The following IL19 variants were observed in gnomAD, a reference collection of about 807,000 sequenced individuals.
The protein encoded by IL19 is interleukin 19.
Under a neutral mutation model 19.5 loss-of-function variants are expected in IL19, and 15 were observed. The observed-to-expected ratio is 0.77, with a 90% CI of 0.52 to 1.19. The LOEUF is 1.19. Ranked by LOEUF, IL19 falls within the 50% of genes most tolerant of loss-of-function variation. The probability of loss-of-function intolerance (pLI) is 0.00; values close to 1 mark genes in which losing one functional copy is unlikely to be tolerated. For synonymous variants in IL19, 78 were observed against 78.3 expected (o/e 1.00, Z 0.02); for missense variants, 199 against 213.1 (o/e 0.93, Z 0.41).
chr1:206,771,676 G>A (rs373403621), intron 1 of IL19, among the ~76,000 whole-genome samples: 8 of 152,282 alleles, frequency 5.3e-5, no homozygotes, highest in African/African-American at 1.9e-4. Context: ...ACTCAGTCCT[G>A]GTCTTCTTTC....
intron 1 of IL19, among the ~76,000 whole-genome samples, chr1:206,795,931 G>A (rs867731845): frequency 2.4e-5 from 3 of 123,482 alleles, no homozygotes; most frequent in Non-Finnish European, 5.7e-5. Flanking sequence ...ATATATATGT[G>A]TGTGTGTGTG....
At chr1:206,785,932 A>G (rs1380934775) in intron 1 of IL19, among the ~76,000 whole-genome samples, 1 of 152,038 alleles carries the variant, frequency 6.6e-6, no homozygotes, top group Non-Finnish European at 1.5e-5. Context: ...AGCTACCTGC[A>G]CCGAAGTGTA....
At chr1:206,805,720 A>G (rs12085778) in intron 2 of IL19, among the ~76,000 whole-genome samples, 2,798 of 152,352 alleles carry the variant, frequency 0.018, 79 homozygotes, top group African/African-American at 0.063. Context: ...TAACCTACAC[A>G]TAACAGGAGT....
At chr1:206,820,838 A>G (rs1676273760) in intron 2 of IL19, among the ~76,000 whole-genome samples, 2 of 152,118 alleles carry the variant, frequency 1.3e-5, no homozygotes, top group Admixed American at 1.3e-4. Context: ...CACTGCCCAT[A>G]TTGACCAACA....
At chr1:206,837,423 A>C (rs1676835193) in intron 4 of IL19, among the ~76,000 whole-genome samples, 1 of 152,162 alleles carries the variant, frequency 6.6e-6, no homozygotes, top group Non-Finnish European at 1.5e-5. Flanking sequence ...AAGATCAGTG[A>C]AGGTCGGACA....
chr1:206,811,127 A>T (rs1675995467), intron 2 of IL19, among the ~76,000 whole-genome samples: 1 of 152,198 alleles, frequency 6.6e-6, no homozygotes, highest in African/African-American at 2.4e-5. Context: ...ACCATAAAAA[A>T]CAGAAAGGGC....
chr1:206,815,414 C>A (rs546972557), intron 2 of IL19, among the ~76,000 whole-genome samples: 1 of 152,244 alleles, frequency 6.6e-6, no homozygotes, highest in South Asian at 2.1e-4. Flanking sequence ...ATAATTAGAA[C>A]AGGCAGCCAA....
At chr1:206,809,240 T>C (rs748842381) in intron 2 of IL19, among the ~76,000 whole-genome samples, 12 of 152,208 alleles carry the variant, frequency 7.9e-5, no homozygotes, top group Non-Finnish European at 1.5e-4. Flanking sequence ...AGCTGGTTCA[T>C]TATCTTAAGA....
rs529945105 is a variant in IL19, at chr1:206,833,261, CAG to C, written c.-2-3396_-2-3395del. 2.6e-5 allele frequency among the ~76,000 whole-genome samples: 4 copies of C among 152,308 alleles called. No homozygotes were observed. The East Asian group carries it at 5.8e-4, about 22-fold the overall frequency. ...AGACAACTGCTAGAGGAAGCAGAAA[CAG>C]AGAACAAAAAGCAAACTGGTCATTT... On this transcript the variant is annotated intron_variant, in intron 2 of 6. Transcript: ENST00000659997.
chr1:206,822,775 C>T (rs991525894), intron 2 of IL19, among the ~76,000 whole-genome samples: 36 of 152,138 alleles, frequency 2.4e-4, no homozygotes, highest in Admixed American at 3.3e-4. Flanking sequence ...TGTCCCCCAA[C>T]GCTTCGGTGT....
At chr1:206,838,959 C>T (rs1235950162) in intron 4 of IL19, among the ~76,000 whole-genome samples, 1 of 152,148 alleles carries the variant, frequency 6.6e-6, no homozygotes, top group Non-Finnish European at 1.5e-5. Context: ...TTTGTGTTGC[C>T]ATCTAGGAAA....
intron 6 of IL19, among the ~76,000 whole-genome samples, chr1:206,841,454 C>G (rs1224086591): frequency 6.6e-6 from 1 of 152,224 alleles, no homozygotes; most frequent in African/African-American, 2.4e-5. Flanking sequence ...ACTACCTGCC[C>G]CCCCATATTG....
chr1:206,776,953 C>A (rs1479913233), intron 1 of IL19, among the ~76,000 whole-genome samples: 2 of 145,714 alleles, frequency 1.4e-5, no homozygotes, highest in South Asian at 2.2e-4. Context: ...CCTCCCTTGT[C>A]GGGCACGGTG....
chr1:206,823,735 A>C, intron 2 of IL19, among the ~76,000 whole-genome samples: 1 of 152,240 alleles, frequency 6.6e-6, no homozygotes, highest in East Asian at 1.9e-4. Context: ...GTTATTAAAC[A>C]AACATAACAC....
intron 2 of IL19, among the ~76,000 whole-genome samples, chr1:206,809,917 C>A (rs548131336): frequency 1.3e-5 from 2 of 152,336 alleles, no homozygotes; most frequent in Admixed American, 1.3e-4. Context: ...CCATCCCAAC[C>A]ACGTTTGTGA....
In IL19 at chr1:206,842,661, C is replaced by T; in HGVS notation, c.*39C>T. The T allele has an allele frequency of 7.9e-7, 1 of 1,268,656 alleles. No homozygotes were observed. The highest frequency in any genetic ancestry group is 1.1e-6 in the Non-Finnish European group (1 of 890,670). The allele number at this position is 1,268,656 out of a possible 1,614,324, so 78.6% of individuals were successfully genotyped here. A position where few individuals can be genotyped will look rare whatever the true frequency, so the allele number is the denominator to read the frequency against. ...GTATAGTGATCCAGGGATGAACACC[C>T]CCTGTGCGGTTTACTGTGGGAGACA... On this transcript the variant is annotated 3_prime_UTR_variant, in exon 7 of 7. Transcript: ENST00000659997.
At chr1:206,778,367 A>G (rs375526305) in intron 1 of IL19, among the ~76,000 whole-genome samples, 107 of 152,198 alleles carry the variant, frequency 7.0e-4, no homozygotes, top group African/African-American at 2.2e-3. Context: ...CACCCAGAGG[A>G]CCATAGTTGT....
chr1:206,828,672 G>A (rs1676503480), intron 2 of IL19, among the ~76,000 whole-genome samples: 1 of 152,142 alleles, frequency 6.6e-6, no homozygotes, highest in Admixed American at 6.5e-5. Flanking sequence ...CATAGAAGAA[G>A]GAAACAAAAA....
Position 206,799,023 on chromosome 1 carries a change from A to T in IL19, c.-3+17A>T. 1 of 1,528,004 alleles carries T rather than the reference A, an allele frequency of 6.5e-7. No individual in the cohort carries two copies. The allele number at this position is 1,528,004 out of a possible 1,614,324, so 94.7% of individuals were successfully genotyped here. On this transcript the variant is annotated intron_variant, in intron 2 of 6. Coordinates refer to ENST00000659997, the MANE Select transcript of IL19 (RefSeq NM_153758.5). ...TTCCACGGGGTAAGTAATTTCTGCT[A>T]TAGGGACCCTGGATGTGGAGCCATT...
Sources: gnomAD v4.1 joint callset for allele counts (sites outside exome capture counted in the v4.1 genomes callset) on GRCh38, gnomAD v4.1.1 for gene constraint, MANE v1.5 for transcripts, NCBI Gene and HGNC (gene_info 2026-07-23, HGNC 2026-07-21) for gene names.